Variants in ZNF320 observed in about 807,000 individuals in gnomAD.
ZNF320 encodes the protein zinc finger gene 320.
A neutral mutation model predicts 6.8 loss-of-function variants in ZNF320; 2 were observed. The observed-to-expected ratio is 0.29, with a 90% CI of 0.12 to 0.93. The LOEUF (loss-of-function observed/expected upper bound fraction) is 0.93, where lower values mean the gene tolerates loss of function less well. Ranked by LOEUF, ZNF320 falls within the 40% of genes least tolerant of loss-of-function variation. The probability of loss-of-function intolerance (pLI) is 0.55; values close to 1 mark genes in which losing one functional copy is unlikely to be tolerated. For missense variants in ZNF320, 472 were observed against 611.0 expected (o/e 0.77, Z 2.40); for synonymous variants, 208 against 203.2 (o/e 1.02, Z -0.20).
At position 52,881,411 on chromosome 19, in the gene ZNF320, G is replaced by T; in HGVS notation, c.715C>A (p.His239Asn). The T allele has an allele frequency of 6.2e-7, 1 of 1,614,004 alleles. No individual in the cohort carries two copies. Among genetic ancestry groups the T allele is most frequent in the Non-Finnish European group, 8.5e-7 (1 of 1,180,004 alleles). The change falls in exon 6 of 6, where the codon CAT (histidine) becomes AAT (asparagine). Residue 239 changes from histidine to asparagine, a missense_variant. His to Asn is a moderately conservative substitution (Grantham distance 68). This residue lies in a region of ZNF320 where 462 missense variants were observed against 559.7 expected (regional missense o/e 0.83). Transcript: ENST00000682928. ...KATLACHHRS[H>N]TGEKPYKCNE... Reference sequence around the variant, plus strand: ...CACTTATAAGGTTTCTCTCCAGTATGACTTCTATGATGACATGCAAGGGTT... The same window carrying T: ...CACTTATAAGGTTTCTCTCCAGTATTACTTCTATGATGACATGCAAGGGTT...
In ZNF320 at chr19:52,878,728, A is replaced by G. The variant is rs1473147494; in HGVS notation, c.*1868T>C. On this transcript the variant is annotated 3_prime_UTR_variant, in exon 6 of 6. Coordinates refer to ENST00000682928, the MANE Select transcript of ZNF320 (RefSeq NM_001351774.2). ...GATACACTATCTGTCTCTGTCACCC[A>G]TGCTGGAGTACAATGGCATGATCAT... The G allele has an allele frequency of 4.6e-5, 7 of 152,188 alleles. No individual in the cohort carries two copies. Among genetic ancestry groups the G allele is most frequent in the African/African-American group, 1.4e-4 (6 of 41,442 alleles). The allele number at this position is 152,188 out of a possible 1,614,324, so 9.4% of individuals were successfully genotyped here.
chr19:52,875,060 G>A (rs779880027), downstream of ZNF320, among the ~76,000 whole-genome samples: 2 of 152,150 alleles, frequency 1.3e-5, no homozygotes, highest in Non-Finnish European at 1.5e-5. Flanking sequence ...TTTTGGAAAC[G>A]ATGTATTTTC....
In ZNF320 at chr19:52,865,475, T is replaced by TATGTAATAC. The variant is rs1568692742; in HGVS notation, c.224-1317_224-1316insGTATTACAT. On this transcript the variant is annotated intron_variant, in intron 5 of 5. Coordinates refer to the ZNF320 transcript ENST00000673631. ...ATGTAATACATATATATATATTACA[T>TATGTAATAC]ATATATATAATACATATATATTATA... 2.4e-3 allele frequency: 95 copies of TATGTAATAC among 40,308 alleles called. 1 individual carries two copies. Among genetic ancestry groups the TATGTAATAC allele is most frequent in the African/African-American group, 9.8e-3 (90 of 9,180 alleles). The allele number at this position is 40,308 out of a possible 1,614,324, so 2.5% of individuals were successfully genotyped here. A position where few individuals can be genotyped will look rare whatever the true frequency, so the allele number is the denominator to read the frequency against.
chr19:52,877,931 TAAGTC>T lies in ZNF320; in HGVS notation c.*2660_*2664del, dbSNP rs1173322652. The stretch of plus-strand genomic sequence containing the variant: ...CAAAACAGAATTTAAAATACAGAAT[TAAGTC>T]ATTTGACTTTTTTTAAATGAAAAGT... On this transcript the variant is annotated 3_prime_UTR_variant, in exon 6 of 6. Transcript: ENST00000682928. The T allele has an allele frequency of 6.6e-6, 1 of 152,180 alleles. No homozygotes were observed. Among genetic ancestry groups the T allele is most frequent in the African/African-American group, 2.4e-5 (1 of 41,450 alleles). The allele number at this position is 152,180 out of a possible 1,614,324, so 9.4% of individuals were successfully genotyped here.
intron 4 of ZNF320, among the ~76,000 whole-genome samples, chr19:52,889,116 G>A (rs529096945): frequency 4.6e-5 from 7 of 152,046 alleles, no homozygotes; most frequent in South Asian, 2.1e-4. Flanking sequence ...CCTGGGCGGC[G>A]GAGTTTGCAG....
At chr19:52,859,656 A>T (rs1027951337), downstream of ZNF320, among the ~76,000 whole-genome samples, 6 of 152,218 alleles carry the variant, frequency 3.9e-5, no homozygotes, top group Non-Finnish European at 5.9e-5. Flanking sequence ...TCCATTCAAG[A>T]CCAGTGCATA....
In ZNF320 at chr19:52,879,379, A is replaced by G. The variant is rs1394887243; in HGVS notation, c.*1217T>C. On this transcript the variant is annotated 3_prime_UTR_variant, in exon 6 of 6. Transcript: ENST00000682928. ...CACATCATCTCAATACATGGAGAAA[A>G]AGCATTTCACAAAATTCAACATCCA... is the stretch of plus-strand genomic sequence containing the variant. The G allele has an allele frequency of 6.1e-6, 1 of 162,720 alleles. No homozygotes were observed. The highest frequency in any genetic ancestry group is 1.3e-5 in the Non-Finnish European group (1 of 75,698). 10.1% of individuals were successfully genotyped at this position (162,720 alleles called of 1,614,324 possible).
chr19:52,902,839 A>C, the ZNF320 span, among the ~76,000 whole-genome samples: 7 of 152,192 alleles, frequency 4.6e-5, no homozygotes, highest in African/African-American at 1.7e-4. Flanking sequence ...TTGATGCTTT[A>C]AGAAAAAACC....
At chr19:52,864,387 G>C (rs765506572) in intron 5 of ZNF320, among the ~76,000 whole-genome samples, 1 of 152,096 alleles carries the variant, frequency 6.6e-6, no homozygotes, top group Non-Finnish European at 1.5e-5. Flanking sequence ...ACTAAATATA[G>C]TGTTTTCTCT....
chr19:52,880,399 G>T lies in ZNF320; in HGVS notation c.*197C>A, dbSNP rs142123428. 1.1e-3 allele frequency: 521 copies of T among 495,440 alleles called. 5 individuals carry two copies. The East Asian group carries it at 0.016, about 15-fold the overall frequency. 30.7% of individuals were successfully genotyped at this position (495,440 alleles called of 1,614,324 possible). Reference sequence around the variant, plus strand: ...ATACAGGCTGGGAAAAGTGGCTCCCGTCTGTTGGCCAGGCTGGTCTCAAAT... The same window carrying T: ...ATACAGGCTGGGAAAAGTGGCTCCCTTCTGTTGGCCAGGCTGGTCTCAAAT... On this transcript the variant is annotated 3_prime_UTR_variant, in exon 6 of 6. Coordinates refer to ENST00000682928, the MANE Select transcript of ZNF320 (RefSeq NM_001351774.2).
rs2063561756 is a variant in ZNF320, at chr19:52,866,085, T to C, written c.224-1926A>G. Among the ~76,000 whole-genome samples the C allele has an allele frequency of 2.8e-5, 2 of 70,294 alleles. 1 individual carries two copies. The highest frequency in any genetic ancestry group is 1.4e-4 in the African/African-American group (2 of 14,422). 46.1% of individuals were successfully genotyped at this position (70,294 alleles called of 152,430 possible). On this transcript the variant is annotated intron_variant, in intron 5 of 5. Transcript: ENST00000673631. ...ATATATTTATATATATGATTATACATATATTTATATATGTATGATTATACA... is the reference window on the plus strand; with the variant it reads ...ATATATTTATATATATGATTATACACATATTTATATATGTATGATTATACA...
At position 52,880,095 on chromosome 19, in the gene ZNF320, T is replaced by A. The variant is rs1468724450; in HGVS notation, c.*501A>T. 1 of 152,452 alleles carries A rather than the reference T, an allele frequency of 6.6e-6. No individual in the cohort carries two copies. Among genetic ancestry groups the A allele is most frequent in the Non-Finnish European group, 1.5e-5 (1 of 68,286 alleles). 9.4% of individuals were successfully genotyped at this position (152,452 alleles called of 1,614,324 possible). A position where few individuals can be genotyped will look rare whatever the true frequency, so the allele number is the denominator to read the frequency against. On this transcript the variant is annotated 3_prime_UTR_variant, in exon 6 of 6. Transcript: ENST00000682928. ...CAGGTGTGGTGGCTCACGCCTGTAATCTCAGCACTTTGGCAGGTGGAGGCA... is the reference window on the plus strand; with the variant it reads ...CAGGTGTGGTGGCTCACGCCTGTAAACTCAGCACTTTGGCAGGTGGAGGCA...
chr19:52,898,814 A>G (rs938588293), upstream of ZNF320, among the ~76,000 whole-genome samples: 21 of 152,338 alleles, frequency 1.4e-4, no homozygotes, highest in Non-Finnish European at 2.8e-4. Flanking sequence ...TCTGGAATCT[A>G]TGAATAACAT....
Position 52,881,425 on chromosome 19 carries a change from C to G in ZNF320, c.701G>C (p.Cys234Ser). 2 of 1,614,080 alleles carry G rather than the reference C, an allele frequency of 1.2e-6. No homozygotes were observed. Among genetic ancestry groups the G allele is most frequent in the East Asian group, 2.2e-5 (1 of 44,878 alleles). Reference sequence around the variant, plus strand: ...CTCTCCAGTATGACTTCTATGATGACATGCAAGGGTTGCTTTTTGATCAAA... The same window carrying G: ...CTCTCCAGTATGACTTCTATGATGAGATGCAAGGGTTGCTTTTTGATCAAA... ...KVFDQKATLA[C>S]HHRSHTGEKP... is the part of the protein sequence containing the mutation. Residue 234 changes from cysteine to serine, a missense_variant, in exon 6 of 6, where the codon TGT (cysteine) becomes TCT (serine). Coordinates refer to ENST00000682928, the MANE Select transcript of ZNF320 (RefSeq NM_001351774.2).
rs142123428 is a variant in ZNF320, at chr19:52,880,399, G to A, written c.*197C>T. The A allele has an allele frequency of 6.1e-5, 30 of 495,440 alleles. No homozygotes were observed. Among genetic ancestry groups the A allele is most frequent in the African/African-American group, 4.6e-4 (23 of 50,514 alleles). The allele number at this position is 495,440 out of a possible 1,614,324, so 30.7% of individuals were successfully genotyped here. ...ATACAGGCTGGGAAAAGTGGCTCCC[G>A]TCTGTTGGCCAGGCTGGTCTCAAAT... is the stretch of plus-strand genomic sequence containing the variant. On this transcript the variant is annotated 3_prime_UTR_variant, in exon 6 of 6. Coordinates refer to ENST00000682928, the MANE Select transcript of ZNF320 (RefSeq NM_001351774.2).
intron 5 of ZNF320, among the ~76,000 whole-genome samples, chr19:52,868,078 A>T (rs1259021048): frequency 1.3e-5 from 2 of 152,182 alleles, no homozygotes; most frequent in Non-Finnish European, 2.9e-5. Flanking sequence ...CAGTGAAATG[A>T]CGGAGACAGG....
upstream of ZNF320, among the ~76,000 whole-genome samples, chr19:52,901,321 G>A (rs2064570560): frequency 6.6e-6 from 1 of 152,182 alleles, no homozygotes; most frequent in South Asian, 2.1e-4. Flanking sequence ...AGGAAGGTCA[G>A]TTGAAGTCCT....
At chr19:52,861,828 C>T in exon 6 of ZNF320, 2 of 388,036 alleles carry the variant, frequency 5.2e-6, no homozygotes, top group East Asian at 6.8e-5. Flanking sequence ...CCTTGTCACA[C>T]TTATGACATT....
chr19:52,865,324 AATAT>A, intron 5 of ZNF320: 2 of 289,766 alleles, frequency 6.9e-6, no homozygotes, highest in South Asian at 3.7e-5. Context: ...CCCCATTTCA[AATAT>A]ATATATATGG....
Sources: gnomAD v4.1 joint callset for allele counts (sites outside exome capture counted in the v4.1 genomes callset) on GRCh38, gnomAD v4.1.1 for gene constraint, gnomAD v4.1.1 regional missense constraint, MANE v1.5 for transcripts, NCBI Gene and HGNC (gene_info 2026-07-23, HGNC 2026-07-21) for gene names.